The following TMEM108 variants were observed in gnomAD, a reference collection of about 807,000 sequenced individuals.
The protein encoded by TMEM108 is cancer/testis antigen 124.
In TMEM108, 12 loss-of-function variants were observed where a neutral mutation model predicts 35.1. The observed-to-expected ratio is 0.34, with a 90% CI of 0.22 to 0.55. The LOEUF (loss-of-function observed/expected upper bound fraction) is 0.55, where lower values mean the gene tolerates loss of function less well. TMEM108 is among the 20% of genes least tolerant of loss of function. TMEM108 has a pLI of 0.89. For synonymous variants in TMEM108, 287 were observed against 308.6 expected, an observed-to-expected ratio of 0.93 and a Z score of 0.73; for missense variants, 680 against 753.3, an observed-to-expected ratio of 0.90 and a Z score of 1.14.
intron 2 of TMEM108, among the ~76,000 whole-genome samples, chr3:133,093,007 T>G (rs1943968739): frequency 7.0e-6 from 1 of 142,738 alleles, no homozygotes; most frequent in South Asian, 2.3e-4. Flanking sequence ...TTTTTTTTTT[T>G]GAGATGGAGT....
intron 3 of TMEM108, among the ~76,000 whole-genome samples, chr3:133,318,120 C>G (rs774692854): frequency 2.0e-5 from 3 of 152,192 alleles, no homozygotes; most frequent in Non-Finnish European, 2.9e-5. Context: ...GCTGGTGGTG[C>G]TTTGCTGTGT....
At chr3:133,231,002 T>A (rs1052878628) in intron 3 of TMEM108, among the ~76,000 whole-genome samples, 1 of 152,082 alleles carries the variant, frequency 6.6e-6, no homozygotes, top group Non-Finnish European at 1.5e-5. Context: ...GGTTAGGAGG[T>A]AGGTAGTGGC....
intron 2 of TMEM108, among the ~76,000 whole-genome samples, chr3:133,119,936 G>A (rs1035848896): frequency 3.9e-5 from 6 of 152,104 alleles, no homozygotes; most frequent in African/African-American, 1.2e-4. Context: ...TCTTAAGATT[G>A]AAGTGTCCTG....
chr3:133,286,246 C>G (rs77569930), intron 3 of TMEM108, among the ~76,000 whole-genome samples: 1,909 of 152,322 alleles, frequency 0.013, 16 homozygotes, highest in South Asian at 0.024. Flanking sequence ...CTGAGCCACA[C>G]AAACCTGTAG....
chr3:133,307,496 TG>T (rs1257986884), intron 3 of TMEM108, among the ~76,000 whole-genome samples: 3 of 152,210 alleles, frequency 2.0e-5, no homozygotes, highest in Admixed American at 6.5e-5. Context: ...AGGGTTTTTA[TG>T]GTTTTAGGTC....
rs34894272 is a variant in TMEM108 at position 133,187,883 on chromosome 3, C to CAAAA, written c.-46-41368_-46-41365dup. 6.6e-3 allele frequency among the ~76,000 whole-genome samples: 843 copies of CAAAA among 127,258 alleles called. 27 individuals are homozygous for CAAAA. Among genetic ancestry groups the CAAAA allele is most frequent in the East Asian group, 0.04 (138 of 3,478 alleles). The allele number at this position is 127,258 out of a possible 152,430, so 83.5% of individuals were successfully genotyped here. A position where few individuals can be genotyped will look rare whatever the true frequency, so the allele number is the denominator to read the frequency against. ...ATGCATATCAGAGTAACGGTTGCTG[C>CAAAA]AAAAAAAAAAAAAAAAAAGACAGGA... On this transcript the variant is annotated intron_variant, in intron 2 of 5. Transcript: ENST00000321871.
At chr3:133,232,763 T>TCCA (rs371409671) in intron 3 of TMEM108, among the ~76,000 whole-genome samples, 1 of 152,202 alleles carries the variant, frequency 6.6e-6, no homozygotes, top group Non-Finnish European at 1.5e-5. Context: ...TGAGCTCTAC[T>TCCA]CAGGAATGTG....
At chr3:133,329,801 G>A (rs558463879) in intron 3 of TMEM108, among the ~76,000 whole-genome samples, 8 of 152,248 alleles carry the variant, frequency 5.3e-5, no homozygotes, top group African/African-American at 1.4e-4. Flanking sequence ...TGCACTGCAC[G>A]GTGAACACTT....
intron 2 of TMEM108, among the ~76,000 whole-genome samples, chr3:133,195,888 T>G (rs1046154834): frequency 6.6e-6 from 1 of 152,212 alleles, no homozygotes; most frequent in African/African-American, 2.4e-5. Context: ...GCTGTGGTCT[T>G]CTCTTTACCA....
At chr3:133,274,173 T>C (rs1319263140) in intron 3 of TMEM108, among the ~76,000 whole-genome samples, 2 of 152,242 alleles carry the variant, frequency 1.3e-5, no homozygotes, top group African/African-American at 4.8e-5. Flanking sequence ...CCCCACTGCC[T>C]TCCCATCTAC....
At chr3:133,286,169 A>G (rs189521728) in intron 3 of TMEM108, among the ~76,000 whole-genome samples, 1 of 152,302 alleles carries the variant, frequency 6.6e-6, no homozygotes, top group Non-Finnish European at 1.5e-5. Flanking sequence ...GGAACCCCAT[A>G]AATTTTCAAT....
chr3:133,384,789 T>C (rs2073103886), intron 4 of TMEM108, among the ~76,000 whole-genome samples: 1 of 152,216 alleles, frequency 6.6e-6, no homozygotes, highest in Admixed American at 6.5e-5. Flanking sequence ...CTTTGCCTGT[T>C]TGTCACATGT....
chr3:133,170,064 A>C (rs781517018), intron 2 of TMEM108, among the ~76,000 whole-genome samples: 3 of 152,218 alleles, frequency 2.0e-5, no homozygotes, highest in Non-Finnish European at 2.9e-5. Flanking sequence ...CAGCTTTCTC[A>C]TTTTTATTAA....
chr3:133,325,923 G>A (rs1179287923), intron 3 of TMEM108, among the ~76,000 whole-genome samples: 1 of 151,880 alleles, frequency 6.6e-6, no homozygotes, highest in Non-Finnish European at 1.5e-5. Context: ...AGAGGTACAT[G>A]CTAACATATT....
At chr3:133,120,064 C>T (rs1316798664) in intron 2 of TMEM108, among the ~76,000 whole-genome samples, 8 of 152,068 alleles carry the variant, frequency 5.3e-5, no homozygotes, top group African/African-American at 1.9e-4. Context: ...AGATAGAGAC[C>T]AACTTCTTCT....
chr3:133,098,590 G>A (rs1252195215), intron 2 of TMEM108, among the ~76,000 whole-genome samples: 1 of 152,176 alleles, frequency 6.6e-6, no homozygotes, highest in East Asian at 1.9e-4. Context: ...CTATGAGCCT[G>A]TAAAATCAAA....
intron 3 of TMEM108, among the ~76,000 whole-genome samples, chr3:133,364,250 T>C (rs2072439999): frequency 6.6e-6 from 1 of 152,220 alleles, no homozygotes; most frequent in Admixed American, 6.5e-5. Flanking sequence ...AAGCCTTTCC[T>C]GCTCAACTAC....
intron 4 of TMEM108, chr3:133,388,890 C>G (rs530709550): frequency 2.1e-5 from 21 of 985,802 alleles, no homozygotes; most frequent in Non-Finnish European, 2.5e-5. Flanking sequence ...CAGGCTGCTG[C>G]GAACAGAGCT....
At chr3:133,145,816 G>A (rs1330886887) in intron 2 of TMEM108, among the ~76,000 whole-genome samples, 3 of 152,162 alleles carry the variant, frequency 2.0e-5, no homozygotes, top group Admixed American at 6.5e-5. Context: ...CACTGATTTT[G>A]TACCTTGAGA....
Sources: gnomAD v4.1 joint callset for allele counts (sites outside exome capture counted in the v4.1 genomes callset) on GRCh38, gnomAD v4.1.1 for gene constraint, MANE v1.5 for transcripts, NCBI Gene and HGNC (gene_info 2026-07-23, HGNC 2026-07-21) for gene names.